NIBAN1: variants seen among roughly 807,000 people sequenced by gnomAD.
The protein encoded by NIBAN1 is protein Niban 1.
In NIBAN1, 81 loss-of-function variants were observed where a neutral mutation model predicts 75.1. That is an observed-to-expected ratio of 1.08 (90% CI 0.90 to 1.30). The LOEUF (loss-of-function observed/expected upper bound fraction) is 1.30. Ranked by LOEUF, NIBAN1 falls within the 50% of genes most tolerant of loss-of-function variation. The pLI is 0.00. For synonymous variants in NIBAN1, 436 were observed against 424.8 expected (o/e 1.03, Z -0.32); for missense variants, 1,133 against 1,128.1 (o/e 1.00, Z -0.06).
At chr1:184,819,845 G>T (rs1214811384) in intron 8 of NIBAN1, among the ~76,000 whole-genome samples, 2 of 152,194 alleles carry the variant, frequency 1.3e-5, no homozygotes, top group Admixed American at 1.3e-4. Context: ...ATTTTCAGGA[G>T]CAGGGCTAAC....
chr1:184,825,387 T>G (rs1040237120), intron 6 of NIBAN1, among the ~76,000 whole-genome samples: 1 of 152,210 alleles, frequency 6.6e-6, no homozygotes, highest in Non-Finnish European at 1.5e-5. Context: ...ATACGATGAT[T>G]GCTTACAAAA....
rs773367822 is a variant in NIBAN1, at chr1:184,794,425, T to C, written c.*552A>G. 112 of 164,520 alleles carry C rather than the reference T, an allele frequency of 6.8e-4. No individual in the cohort carries two copies. The highest frequency in any genetic ancestry group is 1.2e-3 in the Non-Finnish European group (89 of 75,930). 10.2% of individuals were successfully genotyped at this position (164,520 alleles called of 1,614,324 possible). Reference sequence around the variant, plus strand: ...TTCCGCTTAGCTTCTCTTGAATCTATTGGGCATGATTGCCTCTGTGGGGGC... The same window carrying C: ...TTCCGCTTAGCTTCTCTTGAATCTACTGGGCATGATTGCCTCTGTGGGGGC... On this transcript the variant is annotated 3_prime_UTR_variant, in exon 14 of 14. Coordinates refer to ENST00000367511, the MANE Select transcript of NIBAN1 (RefSeq NM_052966.4).
chr1:184,828,330 A>G (rs1017958376), intron 6 of NIBAN1, among the ~76,000 whole-genome samples: 3 of 152,202 alleles, frequency 2.0e-5, no homozygotes, highest in African/African-American at 7.2e-5. Flanking sequence ...GCAGGCCCCT[A>G]GGGTAGAGGG....
At chr1:184,898,774 G>T (rs1377352696) in intron 2 of NIBAN1, among the ~76,000 whole-genome samples, 1 of 152,172 alleles carries the variant, frequency 6.6e-6, no homozygotes, top group Non-Finnish European at 1.5e-5. Context: ...CTATAGCCTA[G>T]CACATAGTAG....
At chr1:184,877,345 T>C (rs952586572) in intron 5 of NIBAN1, among the ~76,000 whole-genome samples, 4 of 151,944 alleles carry the variant, frequency 2.6e-5, no homozygotes, top group African/African-American at 9.7e-5. Context: ...AAATCTAGTA[T>C]GGAGCTTTCT....
At chr1:184,837,345 G>A (rs1002729967) in intron 5 of NIBAN1, among the ~76,000 whole-genome samples, 35 of 152,132 alleles carry the variant, frequency 2.3e-4, no homozygotes, top group African/African-American at 7.5e-4. Flanking sequence ...ATTATGAGAA[G>A]GCCTAGGGAG....
chr1:184,915,639 C>T (rs1240107341), intron 1 of NIBAN1, among the ~76,000 whole-genome samples: 4 of 151,920 alleles, frequency 2.6e-5, no homozygotes, highest in South Asian at 2.1e-4. Flanking sequence ...TGGATGGCCT[C>T]GGCTGTATTT....
chr1:184,970,625 A>T (rs1443383708), intron 1 of NIBAN1, among the ~76,000 whole-genome samples: 3 of 152,198 alleles, frequency 2.0e-5, no homozygotes, highest in African/African-American at 4.8e-5. Flanking sequence ...AAGCTTTTGG[A>T]GGAAGCCACT....
chr1:184,924,932 T>C (rs1657645743), intron 1 of NIBAN1, among the ~76,000 whole-genome samples: 1 of 152,160 alleles, frequency 6.6e-6, no homozygotes, highest in Non-Finnish European at 1.5e-5. Context: ...TTAGTCTGAC[T>C]AAAGTTTGTC....
At position 184,809,576 on chromosome 1, in the gene NIBAN1, T is replaced by C. The variant is rs577009375; in HGVS notation, c.1174-1341A>G. Among the ~76,000 whole-genome samples, 6 of 151,748 alleles carry C rather than the reference T, an allele frequency of 4.0e-5. No homozygotes were observed. In the East Asian group the frequency reaches 5.8e-4, roughly 15 times the overall value. On this transcript the variant is annotated intron_variant, in intron 9 of 13. Coordinates refer to ENST00000367511, the MANE Select transcript of NIBAN1 (RefSeq NM_052966.4). ...TATCTTGTCTTAGGAGAATATACTA[T>C]AGAAATAAATACATCAGGGTATATG...
At chr1:184,873,394 G>C (rs1467613596) in intron 5 of NIBAN1, among the ~76,000 whole-genome samples, 3 of 152,178 alleles carry the variant, frequency 2.0e-5, no homozygotes, top group Non-Finnish European at 4.4e-5. Flanking sequence ...TGAGCCAAAG[G>C]CAATTGAGAA....
intron 5 of NIBAN1, chr1:184,868,646 G>A (rs1370636413): frequency 6.6e-6 from 1 of 152,200 alleles, no homozygotes; most frequent in Non-Finnish European, 1.5e-5. Flanking sequence ...TCCCTCTCAA[G>A]TAGATATCAA....
At chr1:184,900,759 C>T (rs567004026) in intron 1 of NIBAN1, among the ~76,000 whole-genome samples, 7 of 152,260 alleles carry the variant, frequency 4.6e-5, no homozygotes, top group African/African-American at 1.7e-4. Flanking sequence ...CAACTACTTG[C>T]TGCAGGGTAC....
intron 3 of NIBAN1, among the ~76,000 whole-genome samples, chr1:184,892,219 C>A (rs1467376122): frequency 6.6e-6 from 1 of 152,214 alleles, no homozygotes; most frequent in Non-Finnish European, 1.5e-5. Flanking sequence ...CAGGCCCAGC[C>A]ATATGCTAAA....
At chr1:184,851,731 T>C (rs1171402879) in intron 5 of NIBAN1, among the ~76,000 whole-genome samples, 4 of 151,126 alleles carry the variant, frequency 2.6e-5, no homozygotes, top group African/African-American at 9.7e-5. Flanking sequence ...GAAAAGGGAA[T>C]GCATAAGAAA....
chr1:184,869,111 G>C (rs1361753053), intron 5 of NIBAN1, among the ~76,000 whole-genome samples: 1 of 152,130 alleles, frequency 6.6e-6, no homozygotes, highest in African/African-American at 2.4e-5. Flanking sequence ...ATTCAAGCAA[G>C]GGAAACAGAC....
At chr1:184,843,884 C>A (rs16823613) in intron 5 of NIBAN1, among the ~76,000 whole-genome samples, 1 of 152,164 alleles carries the variant, frequency 6.6e-6, no homozygotes, top group Non-Finnish European at 1.5e-5. Context: ...ATCACACACC[C>A]GGGTTATCTT....
At chr1:184,931,860 C>T (rs1354179812) in intron 1 of NIBAN1, among the ~76,000 whole-genome samples, 3 of 152,192 alleles carry the variant, frequency 2.0e-5, no homozygotes, top group Non-Finnish European at 4.4e-5. Context: ...GCACTTTTTT[C>T]TTAAAGGTAC....
chr1:184,903,662 C>CT (rs1657010702), intron 1 of NIBAN1, among the ~76,000 whole-genome samples: 1 of 151,558 alleles, frequency 6.6e-6, no homozygotes, highest in Non-Finnish European at 1.5e-5. Context: ...CTGAGGCCCT[C>CT]ACCAGAAGTA....
Sources: allele counts gnomAD v4.1 joint callset (sites outside exome capture counted in the v4.1 genomes callset), GRCh38; gene constraint gnomAD v4.1.1; transcripts MANE v1.5; gene names NCBI Gene and HGNC (gene_info 2026-07-23, HGNC 2026-07-21).